PECAM1: variants seen among roughly 807,000 people sequenced by gnomAD.
PECAM1 encodes the protein platelet endothelial cell adhesion molecule.
PECAM1 carries 8 observed loss-of-function variants against 13.8 expected under a neutral mutation model. That is an observed-to-expected ratio of 0.58 (90% CI 0.34 to 1.05). PECAM1 has a LOEUF of 1.05. Among genes scored for constraint, PECAM1 ranks in the 50% least tolerant of loss-of-function variants. The pLI, the probability that PECAM1 is intolerant of heterozygous loss-of-function variation, is 0.03. For missense variants in PECAM1, 304 were observed against 141.2 expected (o/e 2.15, Z -5.84); for synonymous variants, 136 against 52.6 (o/e 2.58, Z -6.86).
At chr17:64,342,263 C>T (rs1251068582) in intron 13 of PECAM1, among the ~76,000 whole-genome samples, 1 of 152,096 alleles carries the variant, frequency 6.6e-6, no homozygotes, top group Non-Finnish European at 1.5e-5. Flanking sequence ...CCAGAGGAAC[C>T]CTGGACCTGA....
intron 14 of PECAM1, among the ~76,000 whole-genome samples, chr17:64,334,550 C>T (rs2143701843): frequency 6.6e-6 from 1 of 152,156 alleles, no homozygotes; most frequent in African/African-American, 2.4e-5. Flanking sequence ...ACTCTGTCGC[C>T]CAGGCTGGAG....
intron 14 of PECAM1, among the ~76,000 whole-genome samples, chr17:64,334,050 C>T (rs937355253): frequency 8.7e-4 from 132 of 151,336 alleles, no homozygotes; most frequent in South Asian, 1.1e-3. Context: ...ACACAGGATC[C>T]CTGCCAGTGC....
chr17:64,386,948 G>A (rs2036606527), intron 2 of PECAM1, among the ~76,000 whole-genome samples: 1 of 152,074 alleles, frequency 6.6e-6, no homozygotes, highest in Admixed American at 6.6e-5. Flanking sequence ...TGTGAACTTA[G>A]GGGAGGAGGG....
intron 11 of PECAM1, among the ~76,000 whole-genome samples, chr17:64,351,434 A>T (rs995334909): frequency 4.3e-4 from 66 of 152,340 alleles, no homozygotes; most frequent in Non-Finnish European, 6.6e-4. Flanking sequence ...CTGATAAAGC[A>T]AGAAAAGTGG....
At chr17:64,339,731 C>T (rs2143724254) in intron 14 of PECAM1, among the ~76,000 whole-genome samples, 1 of 152,286 alleles carries the variant, frequency 6.6e-6, no homozygotes, top group African/African-American at 2.4e-5. Flanking sequence ...TATTCAGGGT[C>T]AAGTTCCACA....
At chr17:64,341,096 C>A (rs1383264681) in intron 14 of PECAM1, among the ~76,000 whole-genome samples, 125 of 115,958 alleles carry the variant, frequency 1.1e-3, no homozygotes, top group African/African-American at 1.0e-3. Flanking sequence ...AACTCTGTCT[C>A]AAAAAAAAAA....
chr17:64,343,361 A>G lies in PECAM1; in HGVS notation c.2108-1671T>C, dbSNP rs2035482169. The stretch of plus-strand genomic sequence containing the variant: ...TGGAGCTTCACGCATGTACCAACAC[A>G]CCCACACTCACTCTCCCTCTGTGCC... On this transcript the variant is annotated intron_variant, in intron 13 of 15. Coordinates refer to ENST00000563924, the MANE Select transcript of PECAM1 (RefSeq NM_000442.5). 2.6e-5 allele frequency among the ~76,000 whole-genome samples: 4 copies of G among 151,548 alleles called. No homozygotes were observed. In the South Asian group the frequency reaches 8.4e-4, roughly 32 times the overall value.
chr17:64,346,281 C>T (rs1325450403), intron 13 of PECAM1, among the ~76,000 whole-genome samples: 4 of 152,126 alleles, frequency 2.6e-5, no homozygotes, highest in Non-Finnish European at 4.4e-5. Context: ...CAGTGACCCC[C>T]GGGGACTGTG....
intron 4 of PECAM1, 82 bp downstream of exon 4, chr17:64,374,969 C>T (rs1337818493): frequency 2.1e-5 from 9 of 430,770 alleles, no homozygotes; most frequent in Non-Finnish European, 3.4e-5. Flanking sequence ...AGAACAGCAG[C>T]CCCTTCCCAG....
chr17:64,323,775 A>ACATGGATG lies in PECAM1; in HGVS notation c.*33_*40dup. 1 of 1,087,334 alleles carries ACATGGATG rather than the reference A, an allele frequency of 9.2e-7. No homozygotes were observed. Among genetic ancestry groups the ACATGGATG allele is most frequent in the Non-Finnish European group, 1.4e-6 (1 of 699,012 alleles). 67.4% of individuals were successfully genotyped at this position (1,087,334 alleles called of 1,614,324 possible). On this transcript the variant is annotated 3_prime_UTR_variant, in exon 16 of 16. Coordinates refer to ENST00000563924, the MANE Select transcript of PECAM1 (RefSeq NM_000442.5). ...ACAGGGATTATCTGTTCTTCTCGGAACATGGATGTCCTTCCAGGGATGTGC... is the reference window on the plus strand; with the variant it reads ...ACAGGGATTATCTGTTCTTCTCGGAACATGGATGCATGGATGTCCTTCCAGGGATGTGC...
intron 14 of PECAM1, among the ~76,000 whole-genome samples, chr17:64,337,666 G>C (rs1257583585): frequency 3.3e-5 from 5 of 151,918 alleles, no homozygotes; most frequent in African/African-American, 1.2e-4. Context: ...TGGGTTCTAC[G>C]ATGCCTATAG....
At chr17:64,340,375 G>A (rs1250353423) in intron 14 of PECAM1, among the ~76,000 whole-genome samples, 15 of 151,862 alleles carry the variant, frequency 9.9e-5, no homozygotes, top group Admixed American at 9.8e-4. Context: ...AGTGCTTAAT[G>A]AGCCACCACG....
chr17:64,357,159 C>A (rs2035865115), intron 7 of PECAM1, among the ~76,000 whole-genome samples: 3 of 152,150 alleles, frequency 2.0e-5, no homozygotes, highest in Admixed American at 6.5e-5. Flanking sequence ...TCTTACCTGG[C>A]ACCCCTTTCT....
chr17:64,348,240 C>A lies in PECAM1; in HGVS notation c.2107+20G>T. The A allele has an allele frequency of 6.3e-6, 3 of 475,120 alleles. No individual in the cohort carries two copies. The highest frequency in any genetic ancestry group is 1.2e-5 in the Non-Finnish European group (3 of 258,956). 29.4% of individuals were successfully genotyped at this position (475,120 alleles called of 1,614,324 possible). A position where few individuals can be genotyped will look rare whatever the true frequency, so the allele number is the denominator to read the frequency against. On this transcript the variant is annotated intron_variant, in intron 13 of 15. Transcript: ENST00000563924. ...CCAAGCCAAAGGCAATGCCTGGGGA[C>A]TCACTCGAGTGGCACTTACCTTTGT...
intron 3 of PECAM1, among the ~76,000 whole-genome samples, chr17:64,377,410 G>A (rs1212924909): frequency 2.0e-5 from 3 of 151,988 alleles, no homozygotes; most frequent in African/African-American, 4.8e-5. Flanking sequence ...TCAGGAGTTC[G>A]AGACCAGCCT....
At chr17:64,373,465 T>TA (rs1184667720) in intron 4 of PECAM1, among the ~76,000 whole-genome samples, 2 of 151,998 alleles carry the variant, frequency 1.3e-5, no homozygotes, top group Non-Finnish European at 2.9e-5. Context: ...GTCTGGTTTT[T>TA]AAAAAGCTGT....
intron 14 of PECAM1, among the ~76,000 whole-genome samples, chr17:64,336,433 T>TC (rs1319108018): frequency 6.6e-6 from 1 of 151,342 alleles, no homozygotes; most frequent in African/African-American, 2.4e-5. Flanking sequence ...ATCATCTAAC[T>TC]CCCCCCAGGC....
At chr17:64,365,425 C>A (rs1345052248) in intron 5 of PECAM1, among the ~76,000 whole-genome samples, 2 of 149,330 alleles carry the variant, frequency 1.3e-5, no homozygotes, top group East Asian at 2.0e-4. Flanking sequence ...TCAATGCCAT[C>A]CCCATCAAGC....
At chr17:64,345,906 A>G (rs970382204) in intron 13 of PECAM1, among the ~76,000 whole-genome samples, 66 of 152,056 alleles carry the variant, frequency 4.3e-4, no homozygotes, top group African/African-American at 1.4e-3. Flanking sequence ...TCTACGGGGC[A>G]TCCCTGTAAG....
Sources: gnomAD v4.1 joint callset for allele counts (sites outside exome capture counted in the v4.1 genomes callset) on GRCh38, gnomAD v4.1.1 for gene constraint, MANE v1.5 for transcripts, NCBI Gene and HGNC (gene_info 2026-07-23, HGNC 2026-07-21) for gene names.